Variants in PRKAA1 observed in about 807,000 individuals in gnomAD.
PRKAA1 encodes the protein protein kinase AMP-activated catalytic subunit alpha 1, also known as 5'-AMP-activated protein kinase catalytic subunit alpha-1.
A neutral mutation model predicts 56.9 loss-of-function variants in PRKAA1; 23 were observed. That is an observed-to-expected ratio of 0.40 (90% CI 0.29 to 0.57). The LOEUF is 0.57. Ranked by LOEUF, PRKAA1 falls within the 20% of genes least tolerant of loss-of-function variation. The pLI is 0.39. For missense variants in PRKAA1, 413 were observed against 679.7 expected, an observed-to-expected ratio of 0.61 and a Z score of 4.36; for synonymous variants, 226 against 227.0, an observed-to-expected ratio of 1.00 and a Z score of 0.04.
chr5:40,769,076 C>T (rs1743603960), intron 5 of PRKAA1: 1 of 648,498 alleles, frequency 1.5e-6, no homozygotes, highest in Admixed American at 3.6e-5. Flanking sequence ...CTACACATTA[C>T]ATGTTTAATT....
In PRKAA1 at chr5:40,762,975, C is replaced by A; in HGVS notation, c.1483G>T (p.Gly495Ter). 1 of 1,614,004 alleles carries A rather than the reference C, an allele frequency of 6.2e-7. No individual in the cohort carries two copies. Among genetic ancestry groups the A allele is most frequent in the Non-Finnish European group, 8.5e-7 (1 of 1,179,942 alleles). Reference protein sequence around the residue: ...KSGTATPQRSGSVSNYRSCQR... With the variant: ...KSGTATPQRS ...CAAGATCGATAGTTGCTAACTGATC[C>A]CGATCTCTGTGGAGTAGCAGTCCCT... Residue 495 changes from glycine to a stop codon, truncating the protein, a stop_gained, in exon 9 of 9, where the codon GGA becomes TGA. Coordinates refer to ENST00000397128, the MANE Select transcript of PRKAA1 (RefSeq NM_006251.6). LOFTEE classifies it high-confidence loss of function.
intron 2 of PRKAA1, 95 bp downstream of exon 2, chr5:40,777,348 AAG>A (rs1310168189): frequency 1.2e-5 from 16 of 1,359,386 alleles, no homozygotes; most frequent in Non-Finnish European, 1.4e-5. Context: ...AGGAAACAAA[AAG>A]AAGTGTCAGT....
At chr5:40,795,220 G>A (rs567105353) in intron 1 of PRKAA1, among the ~76,000 whole-genome samples, 7 of 152,154 alleles carry the variant, frequency 4.6e-5, no homozygotes, top group African/African-American at 1.7e-4. Context: ...TGATACAGTG[G>A]ACTATGGGGA....
At chr5:40,786,908 A>T (rs1744515444) in intron 1 of PRKAA1, among the ~76,000 whole-genome samples, 1 of 151,978 alleles carries the variant, frequency 6.6e-6, no homozygotes, top group African/African-American at 2.4e-5. Context: ...CAGTGAGCCA[A>T]GATCTCACCA....
chr5:40,795,784 T>A (rs1221035895), intron 1 of PRKAA1, among the ~76,000 whole-genome samples: 2 of 152,196 alleles, frequency 1.3e-5, no homozygotes, highest in Non-Finnish European at 2.9e-5. Flanking sequence ...AATTTAACCA[T>A]ATCTATGAAA....
rs200212939 is a variant in PRKAA1, at chr5:40,764,629, T to C, written c.1320A>G (p.Pro440=). 120 of 1,613,880 alleles carry C rather than the reference T, an allele frequency of 7.4e-5. No individual in the cohort carries two copies. Among genetic ancestry groups the C allele is most frequent in the Non-Finnish European group, 9.6e-5 (113 of 1,179,952 alleles). ...TCTTCCTTCGTACACGCAAATAATA[T>C]GGGTTTACAACCTAGCACATGGTAT... ...QLDYEWKVVN[P]YYLRVRRKNP... The change falls in exon 8 of 9, where the codon CCA becomes CCG. Residue 440 remains proline, a synonymous_variant. Transcript: ENST00000397128.
intron 1 of PRKAA1, among the ~76,000 whole-genome samples, chr5:40,785,401 G>A (rs1242626713): frequency 2.0e-5 from 3 of 151,712 alleles, no homozygotes; most frequent in Non-Finnish European, 2.9e-5. Flanking sequence ...CACCTCGCCC[G>A]GCTAATTTTT....
At position 40,764,906 on chromosome 5, in the gene PRKAA1, G is replaced by A; in HGVS notation, c.1154C>T (p.Ala385Val). ...ATTTAATTCATCAAGGGTATGGCGT[G>A]CCCTTGGTGTTTCAGCAACCAAGAA... ...VPFLVAETPR[A>V]RHTLDELNPQ... The change falls in exon 7 of 9, where the codon GCA (alanine) becomes GTA (valine). Residue 385 changes from alanine (A) to valine (V), a missense_variant. Physicochemically the swap from Ala to Val is moderately conservative, Grantham distance 64 (BLOSUM62 0). Around this residue, in one of 9 missense-constraint regions of PRKAA1, gnomAD observed 50 missense variants for 87.7 expected, o/e 0.57. Coordinates refer to ENST00000397128, the MANE Select transcript of PRKAA1 (RefSeq NM_006251.6). 6.2e-7 allele frequency: 1 copy of A among 1,614,138 alleles called. No homozygotes were observed. Among genetic ancestry groups the A allele is most frequent in the East Asian group, 2.2e-5 (1 of 44,886 alleles).
intron 1 of PRKAA1, among the ~76,000 whole-genome samples, 197 bp downstream of exon 1, chr5:40,797,866 C>T (rs1579771557): frequency 6.6e-6 from 1 of 152,218 alleles, no homozygotes; most frequent in East Asian, 1.9e-4. Context: ...CCTACCCCAC[C>T]CCCACCCCCA....
rs1029593031 is a variant in PRKAA1 at position 40,761,372 on chromosome 5, G to C, written c.*1406C>G. 4 of 152,000 alleles carry C rather than the reference G, an allele frequency of 2.6e-5. No homozygotes were observed. Among genetic ancestry groups the C allele is most frequent in the Admixed American group, 6.6e-5 (1 of 15,264 alleles). 9.4% of individuals were successfully genotyped at this position (152,000 alleles called of 1,614,324 possible). A position where few individuals can be genotyped will look rare whatever the true frequency, so the allele number is the denominator to read the frequency against. The stretch of plus-strand genomic sequence containing the variant: ...TAGGAGATACTTGAAGTATTTTCAC[G>C]GTGATAAGTATGTCTGTAACATCCA... On this transcript the variant is annotated 3_prime_UTR_variant, in exon 9 of 9. Transcript: ENST00000397128.
intron 2 of PRKAA1, 125 bp downstream of exon 2, chr5:40,777,320 A>G (rs996460929): frequency 7.2e-5 from 81 of 1,131,546 alleles, no homozygotes; most frequent in Admixed American, 9.8e-5. Flanking sequence ...GCCTAGGAAG[A>G]AACTTTTCAA....
At chr5:40,770,595 C>CTTTTTT (rs750590564) in intron 4 of PRKAA1, among the ~76,000 whole-genome samples, 1 of 111,912 alleles carries the variant, frequency 8.9e-6, no homozygotes, top group Non-Finnish European at 1.9e-5. Context: ...AAAATAAATT[C>CTTTTTT]TTTTTTTTTT....
intron 5 of PRKAA1, chr5:40,768,803 AGAG>A (rs1247314044): frequency 6.9e-7 from 1 of 1,459,518 alleles, no homozygotes; most frequent in Non-Finnish European, 9.0e-7. Context: ...TGAAGGACAA[AGAG>A]TTATTCTTAA....
intron 1 of PRKAA1, 44 bp downstream of exon 1, chr5:40,798,019 C>T (rs1745018722): frequency 6.3e-7 from 1 of 1,596,016 alleles, no homozygotes; most frequent in Non-Finnish European, 8.5e-7. Flanking sequence ...GGAAGTCGTG[C>T]GGCTCCTCAG....
At chr5:40,779,941 C>T (rs1744194894) in intron 1 of PRKAA1, among the ~76,000 whole-genome samples, 1 of 152,088 alleles carries the variant, frequency 6.6e-6, no homozygotes, top group Non-Finnish European at 1.5e-5. Flanking sequence ...AAAGCCTTTA[C>T]AGAATTTATA....
chr5:40,769,551 A>C (rs1743623991), intron 4 of PRKAA1, 48 bp from the exon 5 acceptor site: 2 of 1,384,796 alleles, frequency 1.4e-6, no homozygotes, highest in East Asian at 2.3e-5. Flanking sequence ...CAAAGACAAA[A>C]ATTAAAATCC....
In PRKAA1 at chr5:40,762,978, A is replaced by ATCT; in HGVS notation, c.1477_1479dup (p.Arg493dup). 6.2e-7 allele frequency: 1 copy of ATCT among 1,614,068 alleles called. No individual in the cohort carries two copies. Among genetic ancestry groups the ATCT allele is most frequent in the South Asian group, 1.1e-5 (1 of 91,072 alleles). On this transcript the variant is annotated inframe_insertion, in exon 9 of 9. Coordinates refer to ENST00000397128, the MANE Select transcript of PRKAA1 (RefSeq NM_006251.6). ...GATCGATAGTTGCTAACTGATCCCG[A>ATCT]TCTCTGTGGAGTAGCAGTCCCTGAT...
chr5:40,766,486 C>T (rs1261007069), intron 6 of PRKAA1, among the ~76,000 whole-genome samples: 2 of 152,120 alleles, frequency 1.3e-5, no homozygotes, highest in South Asian at 4.1e-4. Context: ...AATTTGTCAT[C>T]GTCATTTTTG....
intron 8 of PRKAA1, among the ~76,000 whole-genome samples, chr5:40,763,616 A>G (rs900743342): frequency 2.0e-5 from 3 of 152,242 alleles, no homozygotes; most frequent in African/African-American, 4.8e-5. Flanking sequence ...AAGGTTGGGA[A>G]CACAGTACAA....
Sources: allele counts gnomAD v4.1 joint callset (sites outside exome capture counted in the v4.1 genomes callset), GRCh38; gene constraint gnomAD v4.1.1; regional missense constraint gnomAD v4.1.1; transcripts MANE v1.5; gene names NCBI Gene and HGNC (gene_info 2026-07-23, HGNC 2026-07-21).